The following PCDH15 variants were observed in gnomAD, a reference collection of about 807,000 sequenced individuals.
PCDH15 encodes the protein protocadherin related 15.
Under a neutral mutation model 178.5 loss-of-function variants are expected in PCDH15, and 129 were observed. The ratio of observed to expected loss-of-function variants is 0.72; its 90% confidence interval spans 0.63 to 0.84. PCDH15 has a LOEUF of 0.84. PCDH15 is among the 40% of genes least tolerant of loss of function. The probability of loss-of-function intolerance (pLI) is 0.00; values close to 1 mark genes in which losing one functional copy is unlikely to be tolerated. For missense variants in PCDH15, 2,230 were observed against 2,099.9 expected (o/e 1.06, Z -1.21); for synonymous variants, 800 against 732.0 (o/e 1.09, Z -1.50).
At chr10:55,463,275 A>G (rs1425414310) in intron 2 of PCDH15, among the ~76,000 whole-genome samples, 4 of 152,124 alleles carry the variant, frequency 2.6e-5, no homozygotes, top group Non-Finnish European at 4.4e-5. Context: ...TTATACTGAT[A>G]AGAAATCTAC....
chr10:55,471,664 T>C (rs372592391), intron 2 of PCDH15, among the ~76,000 whole-genome samples: 2 of 152,334 alleles, frequency 1.3e-5, no homozygotes, highest in East Asian at 3.9e-4. Context: ...GTTGGGTAGT[T>C]AGTTTGTGAA....
intron 18 of PCDH15, among the ~76,000 whole-genome samples, chr10:54,036,476 G>A (rs2078459): frequency 0.6 from 90,712 of 151,586 alleles, 29,824 homozygotes; most frequent in Middle Eastern, 0.77. Flanking sequence ...ATCAATAAAT[G>A]GAATAACAAT....
chr10:54,694,957 G>A (rs1382990784), intron 1 of PCDH15, among the ~76,000 whole-genome samples: 1 of 151,836 alleles, frequency 6.6e-6, no homozygotes, highest in East Asian at 1.9e-4. Flanking sequence ...CAGCCAACTT[G>A]TGAATGCAAA....
chr10:54,780,830 T>C (rs1048138565), intron 1 of PCDH15, among the ~76,000 whole-genome samples: 4 of 151,720 alleles, frequency 2.6e-5, no homozygotes, highest in Admixed American at 6.6e-5. Flanking sequence ...TCCTTAATCA[T>C]AGTAGCTTTG....
At chr10:53,930,063 T>A (rs1157051801) in intron 25 of PCDH15, among the ~76,000 whole-genome samples, 1 of 152,116 alleles carries the variant, frequency 6.6e-6, no homozygotes, top group East Asian at 1.9e-4. Context: ...CAAGTAACAT[T>A]ATATCCTAAA....
chr10:54,117,820 G>T (rs1352612462), intron 15 of PCDH15, among the ~76,000 whole-genome samples: 1 of 152,116 alleles, frequency 6.6e-6, no homozygotes, highest in East Asian at 1.9e-4. Flanking sequence ...GCTCCTATCT[G>T]CAGGCAAGTT....
intron 2 of PCDH15, among the ~76,000 whole-genome samples, chr10:55,548,321 T>C (rs1007156086): frequency 1.3e-5 from 2 of 151,702 alleles, no homozygotes; most frequent in African/African-American, 2.4e-5. Context: ...TACACGCCAA[T>C]ATATAACAAA....
chr10:54,838,383 G>A (rs534771587), intron 3 of PCDH15, among the ~76,000 whole-genome samples: 35 of 152,146 alleles, frequency 2.3e-4, no homozygotes, highest in African/African-American at 7.9e-4. Flanking sequence ...CCCTGCACTC[G>A]CTTACATGCT....
rs78518681 is a variant in PCDH15 at position 55,245,231 on chromosome 10, A to G, written c.-156+74368T>C. Among the ~76,000 whole-genome samples the G allele has an allele frequency of 5.9e-3, 894 of 152,244 alleles. 13 individuals are homozygous for G. The highest frequency in any genetic ancestry group is 0.02 in the African/African-American group (851 of 41,566). On this transcript the variant is annotated intron_variant, in intron 1 of 5. Coordinates refer to the PCDH15 transcript ENST00000458638. The stretch of plus-strand genomic sequence containing the variant: ...ATGAGTTTAAAGATAAATTCTCTTC[A>G]CTTGTCTTCACTTAGAAACATTTGC...
chr10:54,279,772 A>G (rs985617905), intron 8 of PCDH15, among the ~76,000 whole-genome samples: 3 of 151,718 alleles, frequency 2.0e-5, no homozygotes, highest in Non-Finnish European at 3.0e-5. Flanking sequence ...ACATCTTTAT[A>G]ATTTTAACCT....
intron 2 of PCDH15, among the ~76,000 whole-genome samples, chr10:55,132,126 G>A (rs927504455): frequency 9.9e-5 from 15 of 152,146 alleles, no homozygotes; most frequent in African/African-American, 3.6e-4. Flanking sequence ...TGTAGCCCCA[G>A]CCGTGCCTCC....
chr10:55,012,223 CAA>C (rs1840061559), intron 2 of PCDH15, among the ~76,000 whole-genome samples: 1 of 151,722 alleles, frequency 6.6e-6, no homozygotes, highest in Non-Finnish European at 1.5e-5. Context: ...TGCTTGCAGT[CAA>C]AAAAGATATA....
intron 1 of PCDH15, among the ~76,000 whole-genome samples, chr10:55,193,964 T>C (rs955521232): frequency 6.6e-6 from 1 of 152,148 alleles, no homozygotes; most frequent in South Asian, 2.1e-4. Context: ...TGAATAATAC[T>C]AATATTAGCT....
At chr10:54,132,815 G>A in intron 15 of PCDH15, 60 bp downstream of exon 15, 1 of 1,556,766 alleles carries the variant, frequency 6.4e-7, no homozygotes, top group African/African-American at 1.4e-5. Context: ...CTCATTAAAT[G>A]CCAAGCTTGT....
intron 3 of PCDH15, among the ~76,000 whole-genome samples, chr10:54,503,225 A>ATGTGTG (rs35951831): frequency 0.039 from 3,287 of 83,734 alleles, 80 homozygotes; most frequent in African/African-American, 0.071. Flanking sequence ...ATACATATAT[A>ATGTGTG]TGTGTGTGTG....
intron 2 of PCDH15, among the ~76,000 whole-genome samples, chr10:54,900,025 G>GA (rs1266005246): frequency 1.3e-5 from 2 of 151,582 alleles, no homozygotes; most frequent in Non-Finnish European, 2.9e-5. Flanking sequence ...TTAACTGTAA[G>GA]AAAAAAAATT....
intron 2 of PCDH15, among the ~76,000 whole-genome samples, chr10:54,559,648 T>A (rs1262476069): frequency 6.6e-6 from 1 of 151,898 alleles, no homozygotes; most frequent in Non-Finnish European, 1.5e-5. Flanking sequence ...AAATGTTGGT[T>A]TGTTCCCACA....
At chr10:53,968,511 C>T (rs1447687780) in intron 21 of PCDH15, among the ~76,000 whole-genome samples, 5 of 152,144 alleles carry the variant, frequency 3.3e-5, no homozygotes, top group African/African-American at 1.2e-4. Flanking sequence ...TAGTGCTTCC[C>T]CCAGCACAGA....
rs1842891764 is a variant in PCDH15 at position 55,593,864 on chromosome 10, G to C, written c.-156+33761C>G. 2.0e-5 allele frequency among the ~76,000 whole-genome samples: 3 copies of C among 151,730 alleles called. No individual in the cohort carries two copies. The South Asian group carries it at 6.2e-4, about 31-fold the overall frequency. ...TATAATGGAATTAGGACAACCCAAA[G>C]ATCTGGATGATTGAATTGTCATTTG... On this transcript the variant is annotated intron_variant, in intron 2 of 5. Transcript: ENST00000613346.
Sources: gnomAD v4.1 joint callset for allele counts (sites outside exome capture counted in the v4.1 genomes callset) on GRCh38, gnomAD v4.1.1 for gene constraint, MANE v1.5 for transcripts, NCBI Gene and HGNC (gene_info 2026-07-23, HGNC 2026-07-21) for gene names.